RANBP2: variants seen among roughly 807,000 people sequenced by gnomAD.
RANBP2 encodes E3 SUMO-protein ligase RanBP2.
RANBP2 carries 57 observed loss-of-function variants against 303.6 expected under a neutral mutation model. The observed-to-expected ratio is 0.19, with a 90% confidence interval of 0.15 to 0.23. The LOEUF (loss-of-function observed/expected upper bound fraction) is 0.23. RANBP2 is among the 10% of genes least tolerant of loss of function. The pLI is 1.00. For synonymous variants in RANBP2, 1,167 were observed against 1,301.5 expected (o/e 0.90, Z 2.23); for missense variants, 3,138 against 3,780.8 (o/e 0.83, Z 4.46).
chr2:109,211,199 C>T, the RANBP2 span, among the ~76,000 whole-genome samples: 2 of 152,196 alleles, frequency 1.3e-5, no homozygotes, highest in African/African-American at 4.8e-5. Flanking sequence ...GTGGGGGCTG[C>T]TCCTTGGCTG....
At chr2:109,517,192 C>T in the RANBP2 span, among the ~76,000 whole-genome samples, 10 of 150,008 alleles carry the variant, frequency 6.7e-5, no homozygotes, top group Non-Finnish European at 1.0e-4. Context: ...ACAGAGGTCC[C>T]GCCCAGCCTC....
chr2:109,591,858 C>T, the RANBP2 span, among the ~76,000 whole-genome samples: 880 of 152,166 alleles, frequency 5.8e-3, 11 homozygotes, highest in South Asian at 0.056. Flanking sequence ...GATTGCACCA[C>T]TGCACTCCAG....
chr2:108,747,034 T>C (rs868520573), intron 8 of RANBP2, among the ~76,000 whole-genome samples: 190 of 152,360 alleles, frequency 1.2e-3, no homozygotes, highest in African/African-American at 3.7e-3. Context: ...ACTCTTTCTT[T>C]ATCTGGCTGC....
chr2:108,794,491 A>G, the RANBP2 span: 1 of 1,508,728 alleles, frequency 6.6e-7, no homozygotes, highest in South Asian at 1.3e-5. Flanking sequence ...AGAATATTTG[A>G]AACAATAAGT....
the RANBP2 span, among the ~76,000 whole-genome samples, chr2:109,719,764 G>A: frequency 6.6e-6 from 1 of 152,132 alleles, no homozygotes; most frequent in African/African-American, 2.4e-5. Flanking sequence ...AGAGTCCATA[G>A]ATACCTTAGA....
At chr2:109,497,990 A>G in the RANBP2 span, among the ~76,000 whole-genome samples, 38,864 of 152,034 alleles carry the variant, frequency 0.26, 5,313 homozygotes, top group East Asian at 0.5. Context: ...GATGGCGCTG[A>G]TCCTGTGGGC....
the RANBP2 span, among the ~76,000 whole-genome samples, chr2:109,188,250 C>T: frequency 1.3e-5 from 2 of 152,220 alleles, no homozygotes; most frequent in South Asian, 2.1e-4. Context: ...CTGAAAACTC[C>T]ACCGCCACCC....
the RANBP2 span, among the ~76,000 whole-genome samples, chr2:108,913,011 T>C: frequency 6.6e-6 from 1 of 151,040 alleles, no homozygotes; most frequent in Non-Finnish European, 1.5e-5. Flanking sequence ...TGCAGTGGCG[T>C]GATCTCGGCT....
chr2:109,625,087 C>CAAAAAAAA, the RANBP2 span, among the ~76,000 whole-genome samples: 25 of 60,048 alleles, frequency 4.2e-4, no homozygotes, highest in East Asian at 1.0e-3. Flanking sequence ...ACAACAACAA[C>CAAAAAAAA]AAAAAAAAAA....
the RANBP2 span, among the ~76,000 whole-genome samples, chr2:109,625,103 A>AG: frequency 7.6e-5 from 11 of 145,318 alleles, no homozygotes; most frequent in Middle Eastern, 3.6e-3. Context: ...AAAAAAAAAA[A>AG]AAAAGAAAAG....
the RANBP2 span, among the ~76,000 whole-genome samples, chr2:109,750,698 TATA>T: frequency 6.4e-3 from 626 of 98,158 alleles, no homozygotes; most frequent in African/African-American, 9.1e-3. Flanking sequence ...GAATCACTAC[TATA>T]ATAATAATAA....
the RANBP2 span, among the ~76,000 whole-genome samples, chr2:109,349,621 A>G: frequency 1.2e-4 from 18 of 152,122 alleles, no homozygotes; most frequent in Non-Finnish European, 2.6e-4. Context: ...AGACCCCATA[A>G]TGGCTCTAGG....
the RANBP2 span, among the ~76,000 whole-genome samples, chr2:109,410,844 A>T: frequency 1.1e-4 from 12 of 112,702 alleles, no homozygotes; most frequent in Admixed American, 1.6e-4. Context: ...TTGAAGTCGG[A>T]GCAGAGATTT....
the RANBP2 span, among the ~76,000 whole-genome samples, chr2:109,441,972 A>G: frequency 6.6e-6 from 1 of 151,392 alleles, no homozygotes; most frequent in Non-Finnish European, 1.5e-5. Flanking sequence ...AGCAAAATAA[A>G]GAATTATTCA....
At chr2:108,997,463 A>AAAAAAAAAAG in the RANBP2 span, among the ~76,000 whole-genome samples, 1 of 148,316 alleles carries the variant, frequency 6.7e-6, no homozygotes, top group Non-Finnish European at 1.5e-5. Context: ...AAAAAAAAAA[A>AAAAAAAAAAG]GATGATGGTC....
chr2:109,046,715 A>G, the RANBP2 span, among the ~76,000 whole-genome samples: 5 of 152,046 alleles, frequency 3.3e-5, no homozygotes, highest in African/African-American at 7.2e-5. Flanking sequence ...AAAACTAACT[A>G]TAAGGCTGTC....
the RANBP2 span, among the ~76,000 whole-genome samples, chr2:109,171,222 A>G: frequency 2.0e-5 from 3 of 152,172 alleles, no homozygotes; most frequent in Admixed American, 2.0e-4. Flanking sequence ...AAATATAACC[A>G]TATTATGGCT....
the RANBP2 span, among the ~76,000 whole-genome samples, chr2:109,084,393 T>A: frequency 1.3e-5 from 2 of 152,216 alleles, no homozygotes; most frequent in Non-Finnish European, 2.9e-5. Context: ...CTACATTGAC[T>A]GATAGCAGCT....
the RANBP2 span, chr2:109,565,963 T>C: frequency 2.8e-6 from 3 of 1,064,368 alleles, no homozygotes; most frequent in South Asian, 2.6e-5. Flanking sequence ...AACAAACCTA[T>C]TAAAATCGAA....
Sources: gnomAD v4.1 joint callset for allele counts (sites outside exome capture counted in the v4.1 genomes callset) on GRCh38, gnomAD v4.1.1 for gene constraint, MANE v1.5 for transcripts, NCBI Gene and HGNC (gene_info 2026-07-23, HGNC 2026-07-21) for gene names.